The following BEND7 variants were observed in gnomAD, a reference collection of about 807,000 sequenced individuals.
BEND7 encodes the protein BEN domain-containing protein 7.
BEND7 carries 28 observed loss-of-function variants against 50.9 expected under a neutral mutation model. The observed-to-expected ratio is 0.55, with a 90% confidence interval of 0.41 to 0.75. The LOEUF (loss-of-function observed/expected upper bound fraction) is 0.75, where lower values mean the gene tolerates loss of function less well. BEND7 is among the 30% of genes least tolerant of loss of function. BEND7 has a pLI of 0.00. For synonymous variants in BEND7, 170 were observed against 183.9 expected (o/e 0.92, Z 0.61); for missense variants, 477 against 491.3 (o/e 0.97, Z 0.28).
At chr10:13,489,521 G>A (rs1265344604) in intron 5 of BEND7, among the ~76,000 whole-genome samples, 1 of 152,110 alleles carries the variant, frequency 6.6e-6, no homozygotes, top group Non-Finnish European at 1.5e-5. Context: ...AAGCGGATAA[G>A]AAGAATACCT....
intron 7 of BEND7, among the ~76,000 whole-genome samples, chr10:13,448,312 C>G (rs994234991): frequency 6.6e-6 from 1 of 152,038 alleles, no homozygotes; most frequent in African/African-American, 2.4e-5. Flanking sequence ...ACATTATGGC[C>G]CCTGGGATAG....
At chr10:13,495,317 C>G (rs1453588837) in intron 4 of BEND7, among the ~76,000 whole-genome samples, 1 of 152,246 alleles carries the variant, frequency 6.6e-6, no homozygotes, top group Non-Finnish European at 1.5e-5. Context: ...CCAATGCTTA[C>G]TGACCTGAGC....
chr10:13,444,146 T>C (rs146820073), intron 8 of BEND7: 3 of 152,304 alleles, frequency 2.0e-5, no homozygotes, highest in Non-Finnish European at 4.4e-5. Flanking sequence ...ATCTGTGCTA[T>C]AGCATTTATG....
At chr10:13,447,452 G>A (rs1836619818) in intron 7 of BEND7, 136 bp from the exon 8 acceptor site, 5 of 751,034 alleles carry the variant, frequency 6.7e-6, no homozygotes, top group Admixed American at 5.7e-5. Context: ...TTCAGCTACC[G>A]TTGGTTCATA....
intron 5 of BEND7, among the ~76,000 whole-genome samples, chr10:13,491,623 T>C (rs2076670880): frequency 6.6e-6 from 1 of 151,782 alleles, no homozygotes. Flanking sequence ...CCAACAACTT[T>C]CCAATCTAAA....
intron 2 of BEND7, among the ~76,000 whole-genome samples, chr10:13,521,613 C>T (rs2079082567): frequency 6.6e-6 from 1 of 152,212 alleles, no homozygotes; most frequent in Non-Finnish European, 1.5e-5. Flanking sequence ...GCACTTGCTT[C>T]CACATACTGG....
Position 13,495,106 on chromosome 10 carries a change from T to C in BEND7, c.571+1660A>G, listed in dbSNP as rs150555611. On this transcript the variant is annotated intron_variant, in intron 4 of 8. Coordinates refer to ENST00000466271, the MANE Select transcript of BEND7 (RefSeq NM_001369863.1). Reference sequence around the variant, plus strand: ...ATGGTTGCAATTTGTAGTTTGCCATTTCAGTAGTAAGGAGCTTAAGTGACA... The same window carrying C: ...ATGGTTGCAATTTGTAGTTTGCCATCTCAGTAGTAAGGAGCTTAAGTGACA... 5.5e-3 allele frequency among the ~76,000 whole-genome samples: 834 copies of C among 152,344 alleles called. 6 individuals are homozygous for C. The highest frequency in any genetic ancestry group is 0.015 in the African/African-American group (633 of 41,582).
At chr10:13,528,290 C>T (rs896540378) in intron 1 of BEND7, among the ~76,000 whole-genome samples, 183 bp downstream of exon 1, 28 of 151,954 alleles carry the variant, frequency 1.8e-4, no homozygotes, top group African/African-American at 2.6e-4. Context: ...CTGCTCCCCC[C>T]GCACAACTTT....
At chr10:13,498,973 T>C (rs992428421) in intron 3 of BEND7, among the ~76,000 whole-genome samples, 5 of 152,174 alleles carry the variant, frequency 3.3e-5, no homozygotes, top group African/African-American at 1.2e-4. Context: ...GAAATGAAAA[T>C]GAATGGAAAA....
chr10:13,500,128 A>C (rs557162134), intron 2 of BEND7, 48 bp from the exon 3 acceptor site: 1 of 1,405,796 alleles, frequency 7.1e-7, no homozygotes, highest in East Asian at 2.3e-5. Flanking sequence ...GTGAAAGAGA[A>C]AACAGTTCAC....
downstream of BEND7, chr10:13,440,950 A>T (rs1214352229): frequency 1.3e-5 from 5 of 399,062 alleles, no homozygotes; most frequent in South Asian, 4.2e-4. Flanking sequence ...CTTTATTTTT[A>T]AAAATTAACT....
intron 6 of BEND7, among the ~76,000 whole-genome samples, chr10:13,473,463 C>T (rs2075106997): frequency 6.7e-6 from 1 of 149,664 alleles, no homozygotes. Context: ...TACCCATCAT[C>T]ACTGTTAGAC....
At chr10:13,508,807 C>T (rs1335555000) in intron 2 of BEND7, among the ~76,000 whole-genome samples, 1 of 152,182 alleles carries the variant, frequency 6.6e-6, no homozygotes, top group African/African-American at 2.4e-5. Flanking sequence ...CAGGAGTTTA[C>T]AGCCTAGCAC....
intron 2 of BEND7, among the ~76,000 whole-genome samples, chr10:13,508,645 C>T (rs2078065307): frequency 6.6e-6 from 1 of 152,166 alleles, no homozygotes; most frequent in African/African-American, 2.4e-5. Flanking sequence ...GTATACATGG[C>T]ATTTACATTT....
At chr10:13,512,357 A>G (rs1035075706) in intron 2 of BEND7, among the ~76,000 whole-genome samples, 1 of 152,220 alleles carries the variant, frequency 6.6e-6, no homozygotes, top group Non-Finnish European at 1.5e-5. Flanking sequence ...AAGCGAAATA[A>G]AAGTCTGTGT....
At chr10:13,451,870 T>A (rs1201927508) in intron 7 of BEND7, among the ~76,000 whole-genome samples, 2 of 150,848 alleles carry the variant, frequency 1.3e-5, no homozygotes, top group African/African-American at 4.9e-5. Flanking sequence ...TTTGAGATAG[T>A]TATTCTTATT....
At chr10:13,495,507 C>T (rs2076963841) in intron 4 of BEND7, among the ~76,000 whole-genome samples, 1 of 152,018 alleles carries the variant, frequency 6.6e-6, no homozygotes, top group Admixed American at 6.6e-5. Flanking sequence ...ACTAAAAATA[C>T]AAAAATTAGC....
intron 4 of BEND7, among the ~76,000 whole-genome samples, chr10:13,495,173 C>T (rs193201058): frequency 1.3e-5 from 2 of 152,326 alleles, no homozygotes; most frequent in Admixed American, 6.5e-5. Context: ...TTCTTAAGTG[C>T]TAACAAATTC....
At chr10:13,487,002 C>A (rs930518466) in intron 5 of BEND7, among the ~76,000 whole-genome samples, 1 of 152,184 alleles carries the variant, frequency 6.6e-6, no homozygotes, top group Non-Finnish European at 1.5e-5. Context: ...TGACTGCCTG[C>A]GCCACAGCTG....
Sources: allele counts gnomAD v4.1 joint callset (sites outside exome capture counted in the v4.1 genomes callset), GRCh38; gene constraint gnomAD v4.1.1; transcripts MANE v1.5; gene names NCBI Gene and HGNC (gene_info 2026-07-23, HGNC 2026-07-21).